Variants in PCSK7 observed in about 807,000 individuals in gnomAD.
PCSK7 encodes the protein lymphoma proprotein convertase.
PCSK7 carries 38 observed loss-of-function variants against 73.3 expected under a neutral mutation model. The ratio of observed to expected loss-of-function variants is 0.52; its 90% CI spans 0.40 to 0.68. The LOEUF is 0.68. Ranked by LOEUF, PCSK7 falls within the 30% of genes least tolerant of loss-of-function variation. The pLI is 0.00. For synonymous variants in PCSK7, 296 were observed against 383.8 expected (o/e 0.77, Z 2.68); for missense variants, 692 against 991.5 (o/e 0.70, Z 4.06).
In PCSK7 at chr11:117,223,282, G is replaced by A; in HGVS notation, c.1081C>T (p.Pro361Ser). The A allele has an allele frequency of 6.2e-7, 1 of 1,612,170 alleles. No homozygotes were observed. The highest frequency in any genetic ancestry group is 8.5e-7 in the Non-Finnish European group (1 of 1,178,232). ...GAGGCACATTCTTCTGCATAGAAAG[G>A]CATGCGTCCCTCCTCATCCACAGCT... ...IGAVDEEGRM[P>S]FYAEECASML... Residue 361 changes from proline to serine, a missense_variant, in exon 9 of 17, where the codon CCT becomes TCT. This residue lies in a region of PCSK7 where 574 missense variants were observed against 689.8 expected (regional missense o/e 0.83). Coordinates refer to ENST00000320934, the MANE Select transcript of PCSK7 (RefSeq NM_004716.4).
chr11:117,220,049 CTTTG>C (rs1257929389), intron 9 of PCSK7: 2 of 237,496 alleles, frequency 8.4e-6, no homozygotes, highest in Admixed American at 1.1e-4. Flanking sequence ...TGGACCCTTC[CTTTG>C]TTAGAGCTGA....
chr11:117,224,641 C>A (rs2134323687), intron 7 of PCSK7, 60 bp downstream of exon 7: 1 of 1,338,156 alleles, frequency 7.5e-7, no homozygotes, highest in Admixed American at 1.7e-5. Flanking sequence ...TGCAGCAGTT[C>A]TCCCGGGACT....
intron 14 of PCSK7, chr11:117,207,477 A>C: frequency 2.8e-6 from 1 of 356,538 alleles, no homozygotes; most frequent in South Asian, 2.2e-5. Context: ...GGCCTAGAGA[A>C]TACCTAACTG....
In PCSK7 at chr11:117,204,584, G is replaced by A. The variant is rs543552580; in HGVS notation, c.*1413C>T. 3.4e-5 allele frequency: 23 copies of A among 676,926 alleles called. No individual in the cohort carries two copies. Among genetic ancestry groups the A allele is most frequent in the East Asian group, 3.2e-4 (11 of 34,180 alleles). The allele number at this position is 676,926 out of a possible 1,614,324, so 41.9% of individuals were successfully genotyped here. On this transcript the variant is annotated 3_prime_UTR_variant, in exon 17 of 17. Coordinates refer to ENST00000320934, the MANE Select transcript of PCSK7 (RefSeq NM_004716.4). ...ATCACTGCCTTGGCCCCTCCCTCCC[G>A]GCTGCCCCCATCACCTCTACTGTCT...
chr11:117,224,934 A>G, intron 6 of PCSK7, 179 bp from the exon 7 acceptor site: 1 of 615,530 alleles, frequency 1.6e-6, no homozygotes, highest in Non-Finnish European at 2.9e-6. Flanking sequence ...CCCCTCTCCA[A>G]AGTGGAAAAC....
In PCSK7 at chr11:117,206,266, G is replaced by C; in HGVS notation, c.2089C>G (p.Gln697Glu). Reference sequence around the variant, plus strand: ...TGGCAGGGTCCACTCCTACAAACTTGATTGGAAGCCACATTCCTCTGGCTC... The same window carrying C: ...TGGCAGGGTCCACTCCTACAAACTTCATTGGAAGCCACATTCCTCTGGCTC... ...YLSQRNVASNQVCRSGPCHWP... is the reference protein window; with the variant it reads ...YLSQRNVASNEVCRSGPCHWP... Residue 697 changes from glutamine (Q) to glutamate (E), a missense_variant, in exon 17 of 17, where the codon CAA becomes GAA. By Grantham distance (29) the Gln-to-Glu change is conservative (BLOSUM62 2). Coordinates refer to ENST00000320934, the MANE Select transcript of PCSK7 (RefSeq NM_004716.4). The C allele has an allele frequency of 9.9e-6, 16 of 1,614,144 alleles. No individual in the cohort carries two copies. Among genetic ancestry groups the C allele is most frequent in the Non-Finnish European group, 1.4e-5 (16 of 1,180,002 alleles).
chr11:117,224,364 C>T, intron 7 of PCSK7, 148 bp from the exon 8 acceptor site: 3 of 779,998 alleles, frequency 3.8e-6, no homozygotes, highest in South Asian at 1.8e-5. Flanking sequence ...GGAAGATGGA[C>T]CCCGCATGTG....
In PCSK7 at chr11:117,207,957, GCA is replaced by G; in HGVS notation, c.1786+11_1786+12del. On this transcript the variant is annotated intron_variant, in intron 14 of 16. Coordinates refer to ENST00000320934, the MANE Select transcript of PCSK7 (RefSeq NM_004716.4). ...AGGAAAGGTAGGGCCTGGTGTGAGG[GCA>G]CGAGACTCACCGACATCCCTGATGA... 1.7e-6 allele frequency: 1 copy of G among 575,110 alleles called. No individual in the cohort carries two copies. The highest frequency in any genetic ancestry group is 1.9e-5 in the South Asian group (1 of 53,722). 35.6% of individuals were successfully genotyped at this position (575,110 alleles called of 1,614,324 possible).
chr11:117,221,028 G>A (rs2134315488), intron 9 of PCSK7: 1 of 152,412 alleles, frequency 6.6e-6, no homozygotes, highest in Non-Finnish European at 1.5e-5. Flanking sequence ...AGAGGGTTTA[G>A]CTGAGGCGGG....
chr11:117,209,621 T>C (rs2031621952), intron 12 of PCSK7: 1 of 153,648 alleles, frequency 6.5e-6, no homozygotes, highest in Non-Finnish European at 1.4e-5. Context: ...GATGCACAGT[T>C]AATTTTTAAA....
At chr11:117,225,898 G>A (rs7939563) in intron 6 of PCSK7, 33 bp downstream of exon 6, 1 of 1,380,734 alleles carries the variant, frequency 7.2e-7, no homozygotes. Context: ...GGTGCTCCAG[G>A]CTCTTGCCCT....
intron 1 of PCSK7, 96 bp downstream of exon 1, chr11:117,231,931 C>T (rs2032691034): frequency 6.5e-6 from 1 of 153,008 alleles, no homozygotes; most frequent in South Asian, 2.1e-4. Context: ...CTCAGGCACC[C>T]TCTGTGCAGC....
At chr11:117,222,218 G>C (rs1245419836) in intron 9 of PCSK7, 1 of 152,104 alleles carries the variant, frequency 6.6e-6, no homozygotes, top group Non-Finnish European at 1.5e-5. Context: ...TAGGAAGATG[G>C]TCTAGAGGCC....
At position 117,204,957 on chromosome 11, in the gene PCSK7, A is replaced by G; in HGVS notation, c.*1040T>C. The G allele has an allele frequency of 5.0e-6, 1 of 200,322 alleles. No homozygotes were observed. The highest frequency in any genetic ancestry group is 1.0e-5 in the Non-Finnish European group (1 of 95,364). 12.4% of individuals were successfully genotyped at this position (200,322 alleles called of 1,614,324 possible). A position where few individuals can be genotyped will look rare whatever the true frequency, so the allele number is the denominator to read the frequency against. The stretch of plus-strand genomic sequence containing the variant: ...AGGACAGTCAGATTCTTTCAGAGGA[A>G]ACAGGCCATAGAACAGGAGAGTGAA... On this transcript the variant is annotated 3_prime_UTR_variant, in exon 17 of 17. Coordinates refer to ENST00000320934, the MANE Select transcript of PCSK7 (RefSeq NM_004716.4).
At chr11:117,228,534 T>A (rs1227733223) in intron 3 of PCSK7, among the ~76,000 whole-genome samples, 184 bp from the exon 4 acceptor site, 1 of 151,912 alleles carries the variant, frequency 6.6e-6, no homozygotes, top group South Asian at 2.1e-4. Flanking sequence ...CAGCCTTGGA[T>A]TCTAGGAAAG....
In PCSK7 at chr11:117,209,969, TG is replaced by T. The variant is rs2031645981; in HGVS notation, c.1535-917del. ...CAGGGGCCAGGGACAGGGGAGGGGATGGGTGTGGCCAGAAAGGGGTAACACA... is the reference window on the plus strand; with the variant it reads ...CAGGGGCCAGGGACAGGGGAGGGGATGGTGTGGCCAGAAAGGGGTAACACA... On this transcript the variant is annotated intron_variant, in intron 12 of 16. Coordinates refer to ENST00000320934, the MANE Select transcript of PCSK7 (RefSeq NM_004716.4). The T allele has an allele frequency of 2.0e-5, 3 of 152,658 alleles. No individual in the cohort carries two copies. The South Asian group carries it at 6.2e-4, about 32-fold the overall frequency. The allele number at this position is 152,658 out of a possible 1,614,324, so 9.5% of individuals were successfully genotyped here. A position where few individuals can be genotyped will look rare whatever the true frequency, so the allele number is the denominator to read the frequency against.
chr11:117,213,950 C>CTTTTTTTTTTTTTTTTT (rs1450481233), intron 12 of PCSK7: 1 of 120,768 alleles, frequency 8.3e-6, no homozygotes, highest in Non-Finnish European at 1.7e-5. Flanking sequence ...CTTTTCTTTT[C>CTTTTTTTTTTTTTTTTT]TTTTTCTTTT....
chr11:117,212,072 A>AT (rs1355576224), intron 12 of PCSK7: 2 of 152,126 alleles, frequency 1.3e-5, no homozygotes, highest in Admixed American at 6.6e-5. Flanking sequence ...TGTCCTTGAC[A>AT]TTTTTTTCTA....
At position 117,204,510 on chromosome 11, in the gene PCSK7, C is replaced by A. The variant is rs1259040464; in HGVS notation, c.*1487G>T. On this transcript the variant is annotated 3_prime_UTR_variant, in exon 17 of 17. Coordinates refer to ENST00000320934, the MANE Select transcript of PCSK7 (RefSeq NM_004716.4). ...CTGAGCAATGGTAACTGCACCTGGGCAGCTCCTCCCTGTGCCCCCAGCCTC... is the reference window on the plus strand; with the variant it reads ...CTGAGCAATGGTAACTGCACCTGGGAAGCTCCTCCCTGTGCCCCCAGCCTC... 5 of 1,203,856 alleles carry A rather than the reference C, an allele frequency of 4.2e-6. No homozygotes were observed. The highest frequency in any genetic ancestry group is 6.0e-6 in the Non-Finnish European group (5 of 837,428). 74.6% of individuals were successfully genotyped at this position (1,203,856 alleles called of 1,614,324 possible). A position where few individuals can be genotyped will look rare whatever the true frequency, so the allele number is the denominator to read the frequency against.
Sources: allele counts gnomAD v4.1 joint callset (sites outside exome capture counted in the v4.1 genomes callset), GRCh38; gene constraint gnomAD v4.1.1; regional missense constraint gnomAD v4.1.1; transcripts MANE v1.5; gene names NCBI Gene and HGNC (gene_info 2026-07-23, HGNC 2026-07-21).